The following CRTC1 variants were observed in gnomAD, a reference collection of about 807,000 sequenced individuals.
CRTC1 encodes the protein CREB regulated transcription coactivator 1.
A neutral mutation model predicts 66.1 loss-of-function variants in CRTC1; 18 were observed. The observed-to-expected ratio is 0.27, with a 90% CI of 0.19 to 0.40. The LOEUF is 0.40. Among genes scored for constraint, CRTC1 ranks in the 10% least tolerant of loss-of-function variants. The probability of loss-of-function intolerance (pLI) is 1.00; values close to 1 mark genes in which losing one functional copy is unlikely to be tolerated. For synonymous variants in CRTC1, 416 were observed against 398.8 expected, an observed-to-expected ratio of 1.04 and a Z score of -0.51; for missense variants, 669 against 887.9, an observed-to-expected ratio of 0.75 and a Z score of 3.13.
At position 18,779,482 on chromosome 19, in the gene CRTC1, A is replaced by G. The variant is rs894965845; in HGVS notation, c.*2100A>G. Reference sequence around the variant, plus strand: ...CTTTTTTTTTTTTTTAAGAAAAACTACATGTACATAGGAGAGTTTCATTAC... The same window carrying G: ...CTTTTTTTTTTTTTTAAGAAAAACTGCATGTACATAGGAGAGTTTCATTAC... On this transcript the variant is annotated 3_prime_UTR_variant, in exon 14 of 14. Transcript: ENST00000321949. 1.6e-4 allele frequency: 35 copies of G among 216,082 alleles called. No individual in the cohort carries two copies. The highest frequency in any genetic ancestry group is 2.5e-4 in the Non-Finnish European group (27 of 107,948). The allele number at this position is 216,082 out of a possible 1,614,324, so 13.4% of individuals were successfully genotyped here.
intron 2 of CRTC1, among the ~76,000 whole-genome samples, chr19:18,743,275 C>T (rs950715313): frequency 7.9e-5 from 12 of 152,380 alleles, no homozygotes; most frequent in East Asian, 3.9e-4. Flanking sequence ...TTTCGGCAGC[C>T]GCTACACCTG....
At chr19:18,745,411 C>T (rs945734092) in intron 2 of CRTC1, among the ~76,000 whole-genome samples, 18 of 152,174 alleles carry the variant, frequency 1.2e-4, no homozygotes, top group African/African-American at 4.1e-4. Context: ...CCAGGGATGA[C>T]GTAGGTGGGG....
intron 1 of CRTC1, among the ~76,000 whole-genome samples, chr19:18,690,003 G>C (rs895122085): frequency 6.6e-6 from 1 of 151,476 alleles, no homozygotes; most frequent in South Asian, 2.1e-4. Context: ...GATAGCTGGA[G>C]CAAGGGGGTG....
chr19:18,720,612 C>T (rs374580641), intron 1 of CRTC1, among the ~76,000 whole-genome samples: 16 of 150,572 alleles, frequency 1.1e-4, no homozygotes, highest in African/African-American at 3.2e-4. Flanking sequence ...GTGATCCGCC[C>T]GCCTCGGCCT....
intron 1 of CRTC1, among the ~76,000 whole-genome samples, chr19:18,689,010 A>G (rs561301844): frequency 2.4e-4 from 36 of 152,134 alleles, no homozygotes; most frequent in Admixed American, 2.0e-3. Context: ...CAGTGGCACA[A>G]TCTCAGCTCA....
At chr19:18,717,528 C>T (rs917317503) in intron 1 of CRTC1, among the ~76,000 whole-genome samples, 1 of 152,122 alleles carries the variant, frequency 6.6e-6, no homozygotes, top group African/African-American at 2.4e-5. Flanking sequence ...AGTGCTCACT[C>T]ACAGGAGCCT....
chr19:18,747,215 C>T, intron 4 of CRTC1, 101 bp downstream of exon 4: 3 of 886,244 alleles, frequency 3.4e-6, no homozygotes, highest in Non-Finnish European at 5.3e-6. Flanking sequence ...GTCGCTTAAA[C>T]AATGACCAAA....
rs2054870018 is a variant in CRTC1, at chr19:18,771,579, G to A, written c.1425+33G>A. Reference sequence around the variant, plus strand: ...GCGCCGCCTCCCCCTTGGCCTGTGGGCTCCACGCTTGTCTTGTTCATGCCC... The same window carrying A: ...GCGCCGCCTCCCCCTTGGCCTGTGGACTCCACGCTTGTCTTGTTCATGCCC... On this transcript the variant is annotated intron_variant, in intron 11 of 13. Coordinates refer to ENST00000321949, the MANE Select transcript of CRTC1 (RefSeq NM_015321.3). The surrounding 1 kb of genome is among the most constrained non-coding windows in gnomAD (Gnocchi z 4.6). The A allele has an allele frequency of 1.3e-6, 2 of 1,534,154 alleles. No individual in the cohort carries two copies. The highest frequency in any genetic ancestry group is 1.8e-6 in the Non-Finnish European group (2 of 1,115,240).
At chr19:18,744,030 G>A in intron 2 of CRTC1, 1 of 1,515,890 alleles carries the variant, frequency 6.6e-7, no homozygotes, top group Non-Finnish European at 9.1e-7. Context: ...CACAGCCCGG[G>A]GGGAGGTCCC....
intron 1 of CRTC1, among the ~76,000 whole-genome samples, chr19:18,712,281 C>T (rs989417664): frequency 6.7e-6 from 1 of 150,312 alleles, no homozygotes; most frequent in African/African-American, 2.4e-5. Context: ...GTTTTTGAGA[C>T]AGGAGCTCAC....
intron 6 of CRTC1, among the ~76,000 whole-genome samples, chr19:18,758,991 G>A (rs1223042461): frequency 3.9e-5 from 6 of 152,214 alleles, no homozygotes; most frequent in Non-Finnish European, 8.8e-5. Flanking sequence ...TGTGCTGGCT[G>A]CTGACTGCTG....
rs1020411277 is a variant in CRTC1, at chr19:18,766,287, ATTT to A, written c.1011+779_1011+781del. Among the ~76,000 whole-genome samples, 18 of 109,690 alleles carry A rather than the reference ATTT, an allele frequency of 1.6e-4. 1 individual carries two copies. Among genetic ancestry groups the A allele is most frequent in the Admixed American group, 1.5e-3 (15 of 10,142 alleles). 72.0% of individuals were successfully genotyped at this position (109,690 alleles called of 152,430 possible). ...AGGCATGTGCTACCATGCCTGGCTA[ATTT>A]TTTTTTTTTTTTTTTTTTTGGTATT... is the stretch of plus-strand genomic sequence containing the variant. On this transcript the variant is annotated intron_variant, in intron 9 of 13. Transcript: ENST00000321949.
chr19:18,757,005 C>T (rs528622423), intron 6 of CRTC1, among the ~76,000 whole-genome samples: 8 of 152,372 alleles, frequency 5.3e-5, no homozygotes, highest in South Asian at 4.1e-4. Flanking sequence ...ACCCGCCGGT[C>T]GCACGCCACC....
intron 1 of CRTC1, among the ~76,000 whole-genome samples, chr19:18,697,524 G>A (rs746392731): frequency 2.6e-5 from 4 of 152,206 alleles, no homozygotes; most frequent in Non-Finnish European, 4.4e-5. Context: ...TGGCCAGGCT[G>A]GTCTCCAACT....
intron 1 of CRTC1, among the ~76,000 whole-genome samples, chr19:18,710,215 C>T (rs1361748524): frequency 1.3e-5 from 2 of 152,316 alleles, no homozygotes; most frequent in East Asian, 3.9e-4. Context: ...TCGGAAGTCT[C>T]CCACTTCCTT....
chr19:18,773,708 C>T (rs2054921698), intron 11 of CRTC1, among the ~76,000 whole-genome samples: 1 of 152,204 alleles, frequency 6.6e-6, no homozygotes, highest in Admixed American at 6.5e-5. Context: ...GCCACACGTG[C>T]TGGCCTTCCC....
chr19:18,698,461 G>A (rs2053049424), intron 1 of CRTC1, among the ~76,000 whole-genome samples: 1 of 151,148 alleles, frequency 6.6e-6, no homozygotes, highest in Non-Finnish European at 1.5e-5. Flanking sequence ...TGCACAGTGT[G>A]TACTCAGCAG....
chr19:18,732,804 C>G lies in CRTC1; in HGVS notation c.127-10106C>G, dbSNP rs192159287. Among the ~76,000 whole-genome samples, 72 of 152,178 alleles carry G rather than the reference C, an allele frequency of 4.7e-4. No individual in the cohort carries two copies. The East Asian group carries it at 5.6e-3, about 12-fold the overall frequency. ...CTCCAGAAGCCTTTCAGAATAACTACAGGAGGCCGGGTGTGGTGGCTCACA... is the reference window on the plus strand; with the variant it reads ...CTCCAGAAGCCTTTCAGAATAACTAGAGGAGGCCGGGTGTGGTGGCTCACA... On this transcript the variant is annotated intron_variant, in intron 1 of 13. Coordinates refer to ENST00000321949, the MANE Select transcript of CRTC1 (RefSeq NM_015321.3).
At position 18,768,565 on chromosome 19, in the gene CRTC1, G is replaced by A. The variant is rs1294406698; in HGVS notation, c.1092G>A (p.Pro364=). 14 of 1,598,598 alleles carry A rather than the reference G, an allele frequency of 8.8e-6. No homozygotes were observed. Among genetic ancestry groups the A allele is most frequent in the Middle Eastern group, 3.8e-4 (2 of 5,330 alleles). Residue 364 remains proline (P), a synonymous_variant, in exon 10 of 14, where the codon CCG becomes CCA. Coordinates refer to ENST00000321949, the MANE Select transcript of CRTC1 (RefSeq NM_015321.3). The surrounding 1 kb of genome is among the most constrained non-coding windows in gnomAD (Gnocchi z 5.6). ...FFTQAGSQQP[P]PQPQPPPPPP... is the part of the protein sequence containing the mutation. ...CCCAGGCGGGCTCCCAGCAGCCACC[G>A]CCGCAGCCCCAGCCCCCGCCGCCTC...
Sources: gnomAD v4.1 joint callset for allele counts (sites outside exome capture counted in the v4.1 genomes callset) on GRCh38, gnomAD v4.1.1 for gene constraint, Gnocchi (gnomAD v3.1) non-coding constraint, MANE v1.5 for transcripts, NCBI Gene and HGNC (gene_info 2026-07-23, HGNC 2026-07-21) for gene names.